HBS1L: variants seen among roughly 807,000 people sequenced by gnomAD.
HBS1L encodes HBS1 like translational GTPase, also known as HBS1-like protein.
Under a neutral mutation model 88.9 loss-of-function variants are expected in HBS1L, and 55 were observed. That is an observed-to-expected ratio of 0.62 (90% CI 0.50 to 0.77). The LOEUF is 0.77. Among genes scored for constraint, HBS1L ranks in the 30% least tolerant of loss-of-function variants. The probability of loss-of-function intolerance (pLI) is 0.00; values close to 1 mark genes in which losing one functional copy is unlikely to be tolerated. For missense variants in HBS1L, 741 were observed against 829.3 expected (o/e 0.89, Z 1.31); for synonymous variants, 267 against 288.5 (o/e 0.93, Z 0.76).
At chr6:135,037,825 T>C in intron 4 of HBS1L, 1 of 1,546,894 alleles carries the variant, frequency 6.5e-7, no homozygotes, top group Non-Finnish European at 8.7e-7. Context: ...TTCTAGTTTC[T>C]TTTCACTTTT....
At chr6:135,008,393 C>T (rs1041692684) in intron 4 of HBS1L, among the ~76,000 whole-genome samples, 4 of 152,186 alleles carry the variant, frequency 2.6e-5, no homozygotes, top group Non-Finnish European at 5.9e-5. Flanking sequence ...ACCAAATTAC[C>T]TCGCTGCCTG....
chr6:134,980,165 T>C (rs901418185), intron 13 of HBS1L, among the ~76,000 whole-genome samples: 23 of 152,044 alleles, frequency 1.5e-4, no homozygotes, highest in Non-Finnish European at 2.9e-4. Context: ...GATTGACACA[T>C]TGACATGTTC....
Position 134,997,341 on chromosome 6 carries a change from C to T in HBS1L, c.799+56G>A, listed in dbSNP as rs561429240. 14 of 1,601,258 alleles carry T rather than the reference C, an allele frequency of 8.7e-6. No homozygotes were observed. The East Asian group carries it at 2.9e-4, about 33-fold the overall frequency. ...TCAGAGTTTCCATGCTGCCTCCAGACAGTGGGCAGGCTAAGGCATGGCTGG... is the reference window on the plus strand; with the variant it reads ...TCAGAGTTTCCATGCTGCCTCCAGATAGTGGGCAGGCTAAGGCATGGCTGG... On this transcript the variant is annotated intron_variant, in intron 6 of 17. Coordinates refer to ENST00000367837, the MANE Select transcript of HBS1L (RefSeq NM_006620.4).
rs371967880 is a variant in HBS1L, at chr6:134,969,354, A to G, written c.1798-16T>C. 6 of 1,502,076 alleles carry G rather than the reference A, an allele frequency of 4.0e-6. No homozygotes were observed. In the Admixed American group the frequency reaches 5.0e-5, roughly 13 times the overall value. 93.0% of individuals were successfully genotyped at this position (1,502,076 alleles called of 1,614,324 possible). ...GTAACAGCACCTAAAACAAAAAATT[A>G]TAACACTAAAAATCTGCTACCACAG... On this transcript the variant is annotated splice_polypyrimidine_tract_variant and intron_variant, in intron 15 of 17. Transcript: ENST00000367837.
At chr6:134,974,479 C>T (rs899035462) in intron 15 of HBS1L, among the ~76,000 whole-genome samples, 7 of 152,052 alleles carry the variant, frequency 4.6e-5, no homozygotes, top group Admixed American at 2.0e-4. Context: ...CAGACCAACA[C>T]CCCTGATAAA....
At chr6:135,020,170 A>G (rs1237767079) in intron 4 of HBS1L, among the ~76,000 whole-genome samples, 6 of 151,776 alleles carry the variant, frequency 4.0e-5, no homozygotes, top group African/African-American at 1.4e-4. Flanking sequence ...CCAAAAAAAA[A>G]AAAAATCAGT....
At chr6:135,021,854 A>G (rs112828466) in intron 4 of HBS1L, among the ~76,000 whole-genome samples, 1 of 152,308 alleles carries the variant, frequency 6.6e-6, no homozygotes, top group African/African-American at 2.4e-5. Flanking sequence ...CAAATAAAAC[A>G]TATACAAAGC....
At position 134,964,779 on chromosome 6, in the gene HBS1L, C is replaced by T. The variant is rs76925158; in HGVS notation, c.*500G>A. 0.015 allele frequency: 2,041 copies of T among 134,430 alleles called. 66 individuals carry two copies. Among genetic ancestry groups the T allele is most frequent in the African/African-American group, 0.053 (1,917 of 35,840 alleles). The allele number at this position is 134,430 out of a possible 1,614,324, so 8.3% of individuals were successfully genotyped here. A position where few individuals can be genotyped will look rare whatever the true frequency, so the allele number is the denominator to read the frequency against. ...ACATTCTTATGGTCACCACAAAATA[C>T]TTTTATTATAACCTTCCCCAAATCT... On this transcript the variant is annotated 3_prime_UTR_variant, in exon 18 of 18. Coordinates refer to ENST00000367837, the MANE Select transcript of HBS1L (RefSeq NM_006620.4).
rs1268512896 is a variant in HBS1L, at chr6:134,963,275, C to A, written c.*2004G>T. ...TAGGGAAGTATTAATAAATAAAATT[C>A]AATCATAGTCAATGATGAGATGTTT... On this transcript the variant is annotated 3_prime_UTR_variant, in exon 18 of 18. Coordinates refer to ENST00000367837, the MANE Select transcript of HBS1L (RefSeq NM_006620.4). 6.6e-6 allele frequency: 1 copy of A among 152,134 alleles called. No individual in the cohort carries two copies. The highest frequency in any genetic ancestry group is 1.5e-5 in the Non-Finnish European group (1 of 68,004). The allele number at this position is 152,134 out of a possible 1,614,324, so 9.4% of individuals were successfully genotyped here.
chr6:135,044,474 T>C (rs1364269286), intron 2 of HBS1L, among the ~76,000 whole-genome samples: 1 of 152,208 alleles, frequency 6.6e-6, no homozygotes, highest in East Asian at 1.9e-4. Flanking sequence ...CATGGCTAAA[T>C]AGCAGAAGAG....
intron 4 of HBS1L, among the ~76,000 whole-genome samples, chr6:135,020,724 T>C (rs1219030237): frequency 6.6e-6 from 1 of 152,016 alleles, no homozygotes; most frequent in African/African-American, 2.4e-5. Flanking sequence ...CCCATCCCTT[T>C]TCATCCAGCA....
chr6:135,028,603 T>C (rs1407970969), intron 4 of HBS1L, among the ~76,000 whole-genome samples: 3 of 152,158 alleles, frequency 2.0e-5, no homozygotes, highest in African/African-American at 7.2e-5. Context: ...AGCATACACA[T>C]ACACACGAAT....
chr6:135,052,620 T>C (rs1439278033), intron 1 of HBS1L, among the ~76,000 whole-genome samples: 1 of 151,934 alleles, frequency 6.6e-6, no homozygotes, highest in South Asian at 2.1e-4. Flanking sequence ...TCTTTTTTAC[T>C]AGGTCAGTTT....
At chr6:134,979,442 G>A in intron 13 of HBS1L, 174 bp from the exon 14 acceptor site, 1 of 568,528 alleles carries the variant, frequency 1.8e-6, no homozygotes, top group Admixed American at 2.7e-5. Context: ...ACTTCCTCTA[G>A]AACTGACTCT....
At position 135,015,882 on chromosome 6, in the gene HBS1L, CTTTTTTTT is replaced by C. The variant is rs1174601694; in HGVS notation, c.431-13048_431-13041del. On this transcript the variant is annotated intron_variant, in intron 4 of 17. Coordinates refer to ENST00000367837, the MANE Select transcript of HBS1L (RefSeq NM_006620.4). ...ATAGGCATGAGCTAACGAGCCCAGC[CTTTTTTTT>C]TTTTTTTTTTTCCAGACGGAGTCTT... is the stretch of plus-strand genomic sequence containing the variant. Among the ~76,000 whole-genome samples the C allele has an allele frequency of 4.5e-3, 521 of 116,944 alleles. 3 individuals are homozygous for C. Among genetic ancestry groups the C allele is most frequent in the African/African-American group, 0.015 (465 of 30,224 alleles). 76.7% of individuals were successfully genotyped at this position (116,944 alleles called of 152,430 possible).
chr6:134,974,124 A>T (rs1413048929), intron 15 of HBS1L, among the ~76,000 whole-genome samples: 3 of 152,092 alleles, frequency 2.0e-5, no homozygotes, highest in Non-Finnish European at 4.4e-5. Context: ...ACTACTATAA[A>T]CACCTCCGTG....
rs1774171340 is a variant in HBS1L at position 134,960,917 on chromosome 6, T to A, written c.*4362A>T. 2 of 152,206 alleles carry A rather than the reference T, an allele frequency of 1.3e-5. No homozygotes were observed. The highest frequency in any genetic ancestry group is 1.3e-4 in the Admixed American group (2 of 15,282). 9.4% of individuals were successfully genotyped at this position (152,206 alleles called of 1,614,324 possible). A position where few individuals can be genotyped will look rare whatever the true frequency, so the allele number is the denominator to read the frequency against. On this transcript the variant is annotated 3_prime_UTR_variant, in exon 18 of 18. Coordinates refer to ENST00000367837, the MANE Select transcript of HBS1L (RefSeq NM_006620.4). ...TTTCTTCTTTAAATCTATGGTTTTA[T>A]TTATTTACAAAATAGGAATATTTTG...
At chr6:134,994,560 G>T (rs538399378) in intron 7 of HBS1L, among the ~76,000 whole-genome samples, 1 of 152,050 alleles carries the variant, frequency 6.6e-6, no homozygotes, top group Non-Finnish European at 1.5e-5. Context: ...TACAAAATGA[G>T]GTATCTTGGG....
chr6:134,975,958 C>A (rs74533485), intron 15 of HBS1L, among the ~76,000 whole-genome samples: 10 of 152,008 alleles, frequency 6.6e-5, no homozygotes, highest in Non-Finnish European at 1.3e-4. Flanking sequence ...AAATCCTGAA[C>A]ATAGTAAACA....
Sources: gnomAD v4.1 joint callset for allele counts (sites outside exome capture counted in the v4.1 genomes callset) on GRCh38, gnomAD v4.1.1 for gene constraint, MANE v1.5 for transcripts, NCBI Gene and HGNC (gene_info 2026-07-23, HGNC 2026-07-21) for gene names.